SGCZ: variants seen among roughly 807,000 people sequenced by gnomAD.
SGCZ encodes sarcoglycan zeta.
In SGCZ, 40 loss-of-function variants were observed where a neutral mutation model predicts 41.3. The observed-to-expected ratio is 0.97, with a 90% CI of 0.75 to 1.26. SGCZ has a LOEUF of 1.26. SGCZ is among the 50% of genes most tolerant of loss of function. The pLI is 0.00. For missense variants in SGCZ, 552 were observed against 369.8 expected (o/e 1.49, Z -4.04); for synonymous variants, 206 against 137.5 (o/e 1.50, Z -3.49).
At chr8:15,171,559 C>G (rs1023351635) in intron 1 of SGCZ, among the ~76,000 whole-genome samples, 7 of 152,192 alleles carry the variant, frequency 4.6e-5, no homozygotes, top group South Asian at 4.1e-4. Context: ...GGAGATCCAA[C>G]TGGGTATTAT....
chr8:15,011,047 A>T (rs535167860), intron 1 of SGCZ, among the ~76,000 whole-genome samples: 1 of 152,204 alleles, frequency 6.6e-6, no homozygotes, highest in East Asian at 1.9e-4. Flanking sequence ...CAGTTTTTGC[A>T]ATTTTTTCTT....
intron 2 of SGCZ, among the ~76,000 whole-genome samples, chr8:14,526,150 T>C (rs1802942055): frequency 6.6e-6 from 1 of 152,146 alleles, no homozygotes; most frequent in Non-Finnish European, 1.5e-5. Flanking sequence ...TAATGGTTTT[T>C]ATCACCTATA....
chr8:14,999,131 C>A (rs542139865), intron 1 of SGCZ, among the ~76,000 whole-genome samples: 1 of 152,268 alleles, frequency 6.6e-6, no homozygotes, highest in South Asian at 2.1e-4. Flanking sequence ...TTACAGAAAA[C>A]AATGTGTGAA....
intron 2 of SGCZ, among the ~76,000 whole-genome samples, chr8:14,416,295 C>G (rs112281186): frequency 6.6e-6 from 1 of 151,856 alleles, no homozygotes; most frequent in East Asian, 1.9e-4. Context: ...GTAATAAGAC[C>G]GAGCAGCTGT....
intron 1 of SGCZ, among the ~76,000 whole-genome samples, chr8:15,163,991 G>A (rs75834212): frequency 0.013 from 1,975 of 152,328 alleles, 45 homozygotes; most frequent in African/African-American, 0.043. Flanking sequence ...CTTCCTGCGT[G>A]GAACCTGGCA....
At chr8:15,058,781 C>T (rs1437950871) in intron 1 of SGCZ, among the ~76,000 whole-genome samples, 1 of 152,142 alleles carries the variant, frequency 6.6e-6, no homozygotes, top group African/African-American at 2.4e-5. Flanking sequence ...AAAAGTTCAT[C>T]ATACAGGTTA....
At chr8:14,293,349 TAG>T (rs1476047158) in intron 3 of SGCZ, among the ~76,000 whole-genome samples, 1 of 151,982 alleles carries the variant, frequency 6.6e-6, no homozygotes, top group African/African-American at 2.4e-5. Flanking sequence ...AAAAGTAGAA[TAG>T]AATTCCAGAG....
At chr8:14,744,084 G>C (rs555897377) in intron 1 of SGCZ, among the ~76,000 whole-genome samples, 77 of 151,878 alleles carry the variant, frequency 5.1e-4, no homozygotes, top group Non-Finnish European at 7.6e-4. Context: ...TGTTGGCAAG[G>C]GTTTCGTCTC....
chr8:15,129,624 T>G (rs1807824884), intron 1 of SGCZ, among the ~76,000 whole-genome samples: 1 of 141,940 alleles, frequency 7.0e-6, no homozygotes, highest in South Asian at 2.2e-4. Context: ...CAGCCATGCA[T>G]GGGAACAGCA....
chr8:14,875,783 C>A (rs1215137487), intron 1 of SGCZ, among the ~76,000 whole-genome samples: 1 of 152,074 alleles, frequency 6.6e-6, no homozygotes, highest in Admixed American at 6.6e-5. Flanking sequence ...TAAGTTCCAG[C>A]TATGTTATAA....
intron 1 of SGCZ, among the ~76,000 whole-genome samples, chr8:14,720,369 T>C (rs546756239): frequency 3.7e-4 from 56 of 152,164 alleles, no homozygotes; most frequent in Admixed American, 1.1e-3. Flanking sequence ...AAAACAATAA[T>C]GATAGATATA....
chr8:14,603,638 G>C (rs1381729947), intron 1 of SGCZ, among the ~76,000 whole-genome samples: 2 of 152,036 alleles, frequency 1.3e-5, no homozygotes, highest in Admixed American at 6.6e-5. Context: ...TGGTGAGATA[G>C]AAAGACCCAC....
chr8:15,098,998 T>A (rs1043618587), intron 1 of SGCZ, among the ~76,000 whole-genome samples: 2 of 151,944 alleles, frequency 1.3e-5, no homozygotes, highest in African/African-American at 4.8e-5. Flanking sequence ...ACGGAGGTTG[T>A]ACTGAGCCGA....
chr8:14,704,374 G>A (rs1298221066), intron 1 of SGCZ, among the ~76,000 whole-genome samples: 3 of 151,908 alleles, frequency 2.0e-5, no homozygotes, highest in Admixed American at 1.3e-4. Context: ...ACACATGTAT[G>A]TTCACTTAAT....
At chr8:14,345,980 ATT>A (rs1331592849) in intron 2 of SGCZ, among the ~76,000 whole-genome samples, 1 of 152,104 alleles carries the variant, frequency 6.6e-6, no homozygotes, top group Admixed American at 6.6e-5. Flanking sequence ...CAGAGAAACT[ATT>A]TCACATTATA....
chr8:15,071,857 T>G (rs1032338949), intron 1 of SGCZ, among the ~76,000 whole-genome samples: 2 of 151,642 alleles, frequency 1.3e-5, no homozygotes, highest in African/African-American at 2.4e-5. Flanking sequence ...GAAACAGAGG[T>G]GAGTTCGCTG....
At chr8:15,118,862 C>A (rs964487572) in intron 1 of SGCZ, among the ~76,000 whole-genome samples, 2 of 152,138 alleles carry the variant, frequency 1.3e-5, no homozygotes, top group Non-Finnish European at 2.9e-5. Flanking sequence ...ACGATACCTG[C>A]TGCTATGGTA....
chr8:14,489,722 C>T (rs1433989165), intron 2 of SGCZ, among the ~76,000 whole-genome samples: 2 of 151,814 alleles, frequency 1.3e-5, no homozygotes, highest in East Asian at 3.9e-4. Flanking sequence ...AATTTAGCTC[C>T]CCTATCTCCC....
At chr8:14,408,966 T>TGTGTGTGTGGGTGTGC (rs1395616202) in intron 2 of SGCZ, among the ~76,000 whole-genome samples, 68 of 136,820 alleles carry the variant, frequency 5.0e-4, no homozygotes, top group Non-Finnish European at 8.6e-4. Context: ...TGTGTGTGTG[T>TGTGTGTGTGGGTGTGC]GTGTGCATGT....
Sources: allele counts gnomAD v4.1 joint callset (sites outside exome capture counted in the v4.1 genomes callset), GRCh38; gene constraint gnomAD v4.1.1; transcripts MANE v1.5; gene names NCBI Gene and HGNC (gene_info 2026-07-23, HGNC 2026-07-21).